The following DCHS2 variants were observed in gnomAD, a reference collection of about 807,000 sequenced individuals.
DCHS2 encodes protocadherin-23.
A neutral mutation model predicts 182.4 loss-of-function variants in DCHS2; 142 were observed. The observed-to-expected ratio is 0.78, with a 90% confidence interval of 0.68 to 0.89. The LOEUF (loss-of-function observed/expected upper bound fraction) is 0.89. DCHS2 is among the 40% of genes least tolerant of loss of function. DCHS2 has a pLI of 0.00. For synonymous variants in DCHS2, 1,740 were observed against 1,663.3 expected (o/e 1.05, Z -1.12); for missense variants, 4,319 against 4,198.6 (o/e 1.03, Z -0.79).
At chr4:154,314,972 A>T (rs549216423) in intron 10 of DCHS2, among the ~76,000 whole-genome samples, 1 of 152,328 alleles carries the variant, frequency 6.6e-6, no homozygotes, top group South Asian at 2.1e-4. Context: ...TTAAGATAAA[A>T]ACAGAATATG....
In DCHS2 at chr4:154,416,234, A is replaced by T. The variant is rs185230696; in HGVS notation, c.2053-38790T>A. On this transcript the variant is annotated intron_variant, in intron 1 of 19. Coordinates refer to ENST00000357232, the MANE Select transcript of DCHS2 (RefSeq NM_001358235.2). ...AGAGCCCAGAGACGGGGGACAGGATAGGCCCCGAGGACAGCCTGGAAGGAG... is the reference window on the plus strand; with the variant it reads ...AGAGCCCAGAGACGGGGGACAGGATTGGCCCCGAGGACAGCCTGGAAGGAG... Among the ~76,000 whole-genome samples, 682 of 152,254 alleles carry T rather than the reference A, an allele frequency of 4.5e-3. 30 individuals are homozygous for T. In the South Asian group the frequency reaches 0.1, roughly 22 times the overall value.
intron 1 of DCHS2, among the ~76,000 whole-genome samples, chr4:154,450,120 C>G (rs964997636): frequency 1.3e-5 from 2 of 152,148 alleles, no homozygotes; most frequent in African/African-American, 4.8e-5. Flanking sequence ...GAAGGTTACC[C>G]TGGGGAAACA....
In DCHS2 at chr4:154,320,673, C is replaced by T. The variant is rs1736023314; in HGVS notation, c.4726G>A (p.Asp1576Asn). The T allele has an allele frequency of 2.5e-6, 4 of 1,614,098 alleles. No homozygotes were observed. The highest frequency in any genetic ancestry group is 2.7e-5 in the African/African-American group (2 of 75,038). The change falls in exon 9 of 20, where the codon GAC becomes AAC. Residue 1576 changes from aspartate (D) to asparagine (N), a missense_variant. By Grantham distance (23) the Asp-to-Asn change is conservative (BLOSUM62 1). Transcript: ENST00000357232. Reference sequence around the variant, plus strand: ...ATGACAGTTGGAATGCTTTCTCTGTCAAGACGGGACACAGTGACTAGTGTG... The same window carrying T: ...ATGACAGTTGGAATGCTTTCTCTGTTAAGACGGGACACAGTGACTAGTGTG... Reference protein sequence around the residue: ...FGTLVTVSRLDRESIPTVILT... With the variant: ...FGTLVTVSRLNRESIPTVILT...
At chr4:154,373,971 T>C (rs764003813) in intron 2 of DCHS2, 1 of 1,549,770 alleles carries the variant, frequency 6.5e-7, no homozygotes, top group South Asian at 1.2e-5. Flanking sequence ...AACAATGAAT[T>C]GATCCTTTTT....
chr4:154,300,094 A>T (rs1735136905), intron 12 of DCHS2, among the ~76,000 whole-genome samples: 1 of 152,174 alleles, frequency 6.6e-6, no homozygotes, highest in Non-Finnish European at 1.5e-5. Flanking sequence ...AGCCCGTGGG[A>T]AGTTCTAGGA....
intron 1 of DCHS2, among the ~76,000 whole-genome samples, chr4:154,489,100 G>C (rs1303329674): frequency 7.0e-6 from 1 of 142,398 alleles, no homozygotes; most frequent in Non-Finnish European, 1.5e-5. Flanking sequence ...AAGGACCTTA[G>C]AGATCATGTA....
chr4:154,436,273 A>G (rs1733773240), intron 1 of DCHS2, among the ~76,000 whole-genome samples: 1 of 152,196 alleles, frequency 6.6e-6, no homozygotes, highest in East Asian at 1.9e-4. Context: ...AAATTATTAT[A>G]TCACTTACAC....
rs2111089646 is a variant in DCHS2 at position 154,237,034 on chromosome 4, C to G, written c.7618G>C (p.Glu2540Gln). The change falls in exon 20 of 20, where the codon GAA becomes CAA. Residue 2540 changes from glutamate (E) to glutamine (Q), a missense_variant. Coordinates refer to ENST00000357232, the MANE Select transcript of DCHS2 (RefSeq NM_001358235.2). ...TCAGGGGCATAATTGTTCATATCTT[C>G]TATTCCTATCTCCACTAAAGTAAGA... is the stretch of plus-strand genomic sequence containing the variant. Reference protein sequence around the residue: ...RALTLVEIGIEDMNNYAPEFT... With the variant: ...RALTLVEIGIQDMNNYAPEFT... 3 of 1,613,986 alleles carry G rather than the reference C, an allele frequency of 1.9e-6. No individual in the cohort carries two copies. Among genetic ancestry groups the G allele is most frequent in the Non-Finnish European group, 1.7e-6 (2 of 1,179,920 alleles).
chr4:154,322,478 A>C lies in DCHS2; in HGVS notation c.4029T>G (p.Ser1343=), dbSNP rs1253406610. 2 of 1,609,600 alleles carry C rather than the reference A, an allele frequency of 1.2e-6. No homozygotes were observed. The highest frequency in any genetic ancestry group is 1.7e-5 in the Admixed American group (1 of 58,584). Residue 1343 remains serine (S), a synonymous_variant, in exon 8 of 20, where the codon TCT becomes TCG. Coordinates refer to ENST00000357232, the MANE Select transcript of DCHS2 (RefSeq NM_001358235.2). ...VTYSVSSEDS[S]DHFKIDANNG... The stretch of plus-strand genomic sequence containing the variant: ...TGTTGGCGTCAATCTTAAAGTGATC[A>C]GAACTATCTTCTACACACACAAGAA...
chr4:154,237,809 G>A (rs913477605), intron 19 of DCHS2, among the ~76,000 whole-genome samples: 1 of 152,110 alleles, frequency 6.6e-6, no homozygotes, highest in Admixed American at 6.6e-5. Flanking sequence ...AATACAGAAT[G>A]CTGACATTTA....
intron 3 of DCHS2, among the ~76,000 whole-genome samples, chr4:154,341,204 T>TA (rs1452238598): frequency 6.6e-6 from 1 of 151,770 alleles, no homozygotes; most frequent in Admixed American, 6.6e-5. Flanking sequence ...CCGTCTCTCC[T>TA]AAAAATACAA....
chr4:154,287,439 C>A (rs530549264), intron 13 of DCHS2, among the ~76,000 whole-genome samples: 1 of 152,032 alleles, frequency 6.6e-6, no homozygotes, highest in African/African-American at 2.4e-5. Context: ...AAGATAGAAA[C>A]AACAAAAAGT....
chr4:154,347,831 G>A (rs1051659684), intron 3 of DCHS2, among the ~76,000 whole-genome samples: 4 of 151,876 alleles, frequency 2.6e-5, no homozygotes, highest in African/African-American at 7.3e-5. Flanking sequence ...TGCCACCAAG[G>A]AGCATTTTGG....
chr4:154,355,852 T>C (rs2110738535), intron 3 of DCHS2: 1 of 152,268 alleles, frequency 6.6e-6, no homozygotes, highest in Non-Finnish European at 1.5e-5. Flanking sequence ...CTGTCAGTTG[T>C]ATAAAAGTAT....
intron 15 of DCHS2, among the ~76,000 whole-genome samples, chr4:154,256,094 A>G (rs1275731455): frequency 1.3e-5 from 2 of 152,184 alleles, no homozygotes; most frequent in Non-Finnish European, 2.9e-5. Context: ...TGCTTAAAGA[A>G]TTACCTATAA....
chr4:154,376,238 A>G (rs1031316697), intron 2 of DCHS2, among the ~76,000 whole-genome samples: 3 of 152,116 alleles, frequency 2.0e-5, no homozygotes, highest in African/African-American at 7.2e-5. Flanking sequence ...TGCATTTTAT[A>G]TGTCAATTAA....
intron 19 of DCHS2, among the ~76,000 whole-genome samples, chr4:154,237,945 T>C (rs1018589168): frequency 2.6e-5 from 4 of 152,324 alleles, no homozygotes; most frequent in Non-Finnish European, 4.4e-5. Context: ...GTTTTTAACA[T>C]TGCCTTTAAT....
chr4:154,267,320 T>C (rs1052159377), intron 14 of DCHS2, among the ~76,000 whole-genome samples: 1 of 152,216 alleles, frequency 6.6e-6, no homozygotes, highest in Non-Finnish European at 1.5e-5. Flanking sequence ...AATGAGGTTT[T>C]ATTTGGAGGT....
intron 12 of DCHS2, among the ~76,000 whole-genome samples, chr4:154,302,204 T>G (rs1380686751): frequency 2.0e-5 from 3 of 152,228 alleles, no homozygotes; most frequent in African/African-American, 7.2e-5. Context: ...TGCTCATTCA[T>G]ACATATAATT....
Sources: allele counts gnomAD v4.1 joint callset (sites outside exome capture counted in the v4.1 genomes callset), GRCh38; gene constraint gnomAD v4.1.1; transcripts MANE v1.5; gene names NCBI Gene and HGNC (gene_info 2026-07-23, HGNC 2026-07-21).